The following PARM1 variants were observed in gnomAD, a reference collection of about 807,000 sequenced individuals.
The protein encoded by PARM1 is WSC4, cell wall integrity and stress response component 4 homolog.
In PARM1, 14 loss-of-function variants were observed where a neutral mutation model predicts 24.6. The observed-to-expected ratio is 0.57, with a 90% CI of 0.38 to 0.89. PARM1 has a LOEUF of 0.89. Ranked by LOEUF, PARM1 falls within the 40% of genes least tolerant of loss-of-function variation. PARM1 has a pLI of 0.00. For synonymous variants in PARM1, 179 were observed against 156.6 expected, an observed-to-expected ratio of 1.14 and a Z score of -1.07; for missense variants, 362 against 380.4, an observed-to-expected ratio of 0.95 and a Z score of 0.40.
At chr4:74,938,084 A>G (rs1487040972) in intron 1 of PARM1, among the ~76,000 whole-genome samples, 1 of 152,236 alleles carries the variant, frequency 6.6e-6, no homozygotes, top group Non-Finnish European at 1.5e-5. Context: ...AGGAAAAAAC[A>G]GGTCATTTTG....
rs1408182701 is a variant in PARM1 at position 75,033,888 on chromosome 4, A to G, written c.775A>G (p.Ile259Val). ...GTGCCCTTCCTCCTTCACAGGCAGC[A>G]TCGCCGCCATTACCGTGACAGTCAT... ...EVEHALSSGS[I>V]AAITVTVIAV... The change falls in exon 3 of 4, where the codon ATC becomes GTC. Residue 259 changes from isoleucine (I) to valine (V), a missense_variant. Coordinates refer to ENST00000307428, the MANE Select transcript of PARM1 (RefSeq NM_015393.4). 2 of 1,596,816 alleles carry G rather than the reference A, an allele frequency of 1.3e-6. No homozygotes were observed. Among genetic ancestry groups the G allele is most frequent in the Admixed American group, 1.7e-5 (1 of 58,000 alleles).
chr4:74,978,283 C>G (rs1409769842), intron 1 of PARM1, among the ~76,000 whole-genome samples: 1 of 152,064 alleles, frequency 6.6e-6, no homozygotes, highest in African/African-American at 2.4e-5. Flanking sequence ...ATTTACCAAG[C>G]ACATGGAAGC....
In PARM1 at chr4:75,039,923, A is replaced by G. The variant is rs148110012; in HGVS notation, c.848+5962A>G. ...TTTCAAGTCGTCCAGCTCAAGAGAG[A>G]TCTCCTTTGGGAAGCCTTCATCCAC... On this transcript the variant is annotated intron_variant, in intron 3 of 3. Coordinates refer to ENST00000307428, the MANE Select transcript of PARM1 (RefSeq NM_015393.4). 1.7e-3 allele frequency among the ~76,000 whole-genome samples: 252 copies of G among 152,190 alleles called. 1 individual carries two copies. The highest frequency in any genetic ancestry group is 5.9e-3 in the African/African-American group (244 of 41,492).
chr4:75,035,161 G>C (rs970576867), intron 3 of PARM1, among the ~76,000 whole-genome samples: 1 of 152,106 alleles, frequency 6.6e-6, no homozygotes, highest in Non-Finnish European at 1.5e-5. Context: ...TTCCAGTTTA[G>C]AGCCCCTGTT....
intron 3 of PARM1, among the ~76,000 whole-genome samples, chr4:75,034,448 G>A (rs543045655): frequency 1.3e-5 from 2 of 152,190 alleles, no homozygotes; most frequent in East Asian, 1.9e-4. Flanking sequence ...AGGAAGGTGT[G>A]GCATTTCCTA....
chr4:74,990,519 C>T (rs952949565), intron 1 of PARM1, among the ~76,000 whole-genome samples: 4 of 152,066 alleles, frequency 2.6e-5, no homozygotes, highest in African/African-American at 9.7e-5. Flanking sequence ...AGGCACAGTA[C>T]CAGAAACAGC....
At chr4:74,967,528 G>A (rs1166025063) in intron 1 of PARM1, 1 of 152,174 alleles carries the variant, frequency 6.6e-6, no homozygotes, top group African/African-American at 2.4e-5. Context: ...GCTGGGGTAA[G>A]GCCCTTGAAG....
At chr4:74,980,104 A>G (rs567947488) in intron 1 of PARM1, among the ~76,000 whole-genome samples, 4 of 152,274 alleles carry the variant, frequency 2.6e-5, no homozygotes, top group Admixed American at 6.5e-5. Flanking sequence ...ATAGTGTTGG[A>G]TTTTCTGGCC....
At chr4:74,977,745 C>G (rs1722167371) in intron 1 of PARM1, among the ~76,000 whole-genome samples, 1 of 152,096 alleles carries the variant, frequency 6.6e-6, no homozygotes, top group Admixed American at 6.6e-5. Flanking sequence ...CAAAGGGAAA[C>G]CCATCAGACT....
At chr4:75,043,613 A>G (rs1723541966) in intron 3 of PARM1, among the ~76,000 whole-genome samples, 1 of 152,192 alleles carries the variant, frequency 6.6e-6, no homozygotes, top group South Asian at 2.1e-4. Flanking sequence ...TATTGAGTAT[A>G]TTTTGCCAGG....
chr4:75,011,975 C>T (rs938961175), intron 1 of PARM1, among the ~76,000 whole-genome samples: 1 of 152,196 alleles, frequency 6.6e-6, no homozygotes, highest in Non-Finnish European at 1.5e-5. Context: ...GAAGCCCCCT[C>T]CTGCCAGTGA....
intron 1 of PARM1, among the ~76,000 whole-genome samples, chr4:74,985,643 T>A (rs1722340529): frequency 6.6e-6 from 1 of 152,216 alleles, no homozygotes; most frequent in Admixed American, 6.5e-5. Context: ...AACCCTACTC[T>A]GTCTGAATGC....
intron 1 of PARM1, among the ~76,000 whole-genome samples, chr4:74,935,112 G>A (rs1366027226): frequency 2.0e-5 from 3 of 151,500 alleles, no homozygotes; most frequent in Non-Finnish European, 4.4e-5. Flanking sequence ...GCCAGGGACC[G>A]GCTGAGCACC....
intron 1 of PARM1, among the ~76,000 whole-genome samples, chr4:74,952,972 C>T (rs1721556359): frequency 6.6e-6 from 1 of 152,140 alleles, no homozygotes; most frequent in African/African-American, 2.4e-5. Context: ...AGAAAATTAA[C>T]ATTCAATAGA....
chr4:74,992,735 A>G (rs558332999), intron 1 of PARM1, among the ~76,000 whole-genome samples: 2 of 152,302 alleles, frequency 1.3e-5, no homozygotes, highest in Non-Finnish European at 2.9e-5. Flanking sequence ...TCAATTTAGA[A>G]TTCTATACCC....
At position 74,991,746 on chromosome 4, in the gene PARM1, G is replaced by A. The variant is rs56210752; in HGVS notation, c.44-20679G>A. On this transcript the variant is annotated intron_variant, in intron 1 of 3. Transcript: ENST00000307428. ...AAAAGGGTATTGCATAAGTAGAGGG[G>A]CCAAATTAATGAAAGCTGCTGTGGT... Among the ~76,000 whole-genome samples the A allele has an allele frequency of 6.0e-3, 911 of 152,240 alleles. 7 individuals are homozygous for A. Among genetic ancestry groups the A allele is most frequent in the South Asian group, 0.033 (157 of 4,822 alleles).
intron 1 of PARM1, among the ~76,000 whole-genome samples, chr4:74,980,504 GAA>G (rs1722227961): frequency 1.3e-5 from 2 of 152,242 alleles, no homozygotes; most frequent in East Asian, 3.9e-4. Flanking sequence ...TCCTGGATAG[GAA>G]GAATCAGTGT....
intron 1 of PARM1, among the ~76,000 whole-genome samples, chr4:74,989,434 G>A (rs1441795286): frequency 1.3e-5 from 2 of 152,152 alleles, no homozygotes; most frequent in African/African-American, 2.4e-5. Context: ...ATATTACAAA[G>A]GATACAGATG....
At chr4:74,980,687 G>T (rs1722233427) in intron 1 of PARM1, among the ~76,000 whole-genome samples, 1 of 152,174 alleles carries the variant, frequency 6.6e-6, no homozygotes, top group Admixed American at 6.5e-5. Context: ...AAAGCTGGAG[G>T]TATCACACTA....
Sources: allele counts gnomAD v4.1 joint callset (sites outside exome capture counted in the v4.1 genomes callset), GRCh38; gene constraint gnomAD v4.1.1; transcripts MANE v1.5; gene names NCBI Gene and HGNC (gene_info 2026-07-23, HGNC 2026-07-21).